Variants in ZDHHC7 observed in about 807,000 individuals in gnomAD.
ZDHHC7 encodes the protein zDHHC palmitoyltransferase 7, also known as palmitoyltransferase ZDHHC7.
ZDHHC7 carries 12 observed loss-of-function variants against 34.1 expected under a neutral mutation model. The ratio of observed to expected loss-of-function variants is 0.35; its 90% CI spans 0.23 to 0.57. The LOEUF (loss-of-function observed/expected upper bound fraction) is 0.57. Among genes scored for constraint, ZDHHC7 ranks in the 20% least tolerant of loss-of-function variants. The probability of loss-of-function intolerance (pLI) is 0.84; values close to 1 mark genes in which losing one functional copy is unlikely to be tolerated. For synonymous variants in ZDHHC7, 185 were observed against 155.4 expected (o/e 1.19, Z -1.42); for missense variants, 388 against 402.7 (o/e 0.96, Z 0.31).
At chr16:84,996,682 C>T (rs1317510563) in intron 1 of ZDHHC7, among the ~76,000 whole-genome samples, 2 of 152,104 alleles carry the variant, frequency 1.3e-5, no homozygotes, top group Non-Finnish European at 2.9e-5. Context: ...CACAGGGAAA[C>T]CCCCGCCACG....
intron 3 of ZDHHC7, among the ~76,000 whole-genome samples, chr16:84,986,656 C>T (rs571327849): frequency 9.1e-4 from 139 of 152,190 alleles, no homozygotes; most frequent in Non-Finnish European, 1.8e-3. Context: ...CAGTAGGCCT[C>T]TGACCCCATC....
At position 84,981,459 on chromosome 16, in the gene ZDHHC7, G is replaced by T. The variant is rs139728430; in HGVS notation, c.440+411C>A. Among the ~76,000 whole-genome samples the T allele has an allele frequency of 6.1e-3, 935 of 152,346 alleles. 9 individuals are homozygous for T. Among genetic ancestry groups the T allele is most frequent in the African/African-American group, 0.021 (862 of 41,578 alleles). The stretch of plus-strand genomic sequence containing the variant: ...CAACAGCCTCTCTGGCTGGCTGGAA[G>T]AACCCAGAGCAGGAGTGAGGGGAAG... On this transcript the variant is annotated intron_variant, in intron 4 of 7. Coordinates refer to ENST00000313732, the MANE Select transcript of ZDHHC7 (RefSeq NM_017740.3).
At chr16:85,012,363 G>A (rs1371336955), upstream of ZDHHC7, among the ~76,000 whole-genome samples, 3 of 134,046 alleles carry the variant, frequency 2.2e-5, no homozygotes, top group African/African-American at 6.0e-5. Context: ...CAGCCTGGGC[G>A]ACAGAGTGAA....
intron 7 of ZDHHC7, among the ~76,000 whole-genome samples, 187 bp downstream of exon 7, chr16:84,976,908 G>A (rs2072305799): frequency 6.6e-6 from 1 of 152,222 alleles, no homozygotes; most frequent in Non-Finnish European, 1.5e-5. Context: ...AAATCAAACT[G>A]AGACTAGAAA....
chr16:85,023,847 T>A, the ZDHHC7 span, among the ~76,000 whole-genome samples: 1 of 152,088 alleles, frequency 6.6e-6, no homozygotes, highest in African/African-American at 2.4e-5. Context: ...CTCAAACTCC[T>A]GAGCTCAGGT....
Position 84,981,866 on chromosome 16 carries a change from G to A in ZDHHC7, c.440+4C>T, listed in dbSNP as rs372346656. 2.9e-5 allele frequency: 46 copies of A among 1,613,820 alleles called. 1 individual carries two copies. The Middle Eastern group carries it at 6.8e-4, about 24-fold the overall frequency. ...GCTCGGGTTTAATACAGCAGCGCAC[G>A]TACCTGCAGTGGTGGGCGCGCTCGG... On this transcript the variant is annotated splice_donor_region_variant and intron_variant, in intron 4 of 7. Coordinates refer to ENST00000313732, the MANE Select transcript of ZDHHC7 (RefSeq NM_017740.3).
At chr16:84,998,817 G>C (rs1019387906) in intron 1 of ZDHHC7, among the ~76,000 whole-genome samples, 1 of 146,876 alleles carries the variant, frequency 6.8e-6, no homozygotes, top group African/African-American at 2.5e-5. Context: ...GCAGTGGCGC[G>C]ATCTCGGCTC....
At chr16:84,981,484 G>A (rs1217648647) in intron 4 of ZDHHC7, among the ~76,000 whole-genome samples, 4 of 152,236 alleles carry the variant, frequency 2.6e-5, no homozygotes, top group Non-Finnish European at 5.9e-5. Flanking sequence ...GTGAGGGGAA[G>A]GTTCTGAGCC....
intron 3 of ZDHHC7, among the ~76,000 whole-genome samples, chr16:84,985,144 C>T (rs145919415): frequency 3.2e-4 from 48 of 152,356 alleles, no homozygotes; most frequent in African/African-American, 1.1e-3. Context: ...GCTCCTCCCT[C>T]CCACCCAAAC....
chr16:85,024,046 T>A, the ZDHHC7 span, among the ~76,000 whole-genome samples: 1 of 151,998 alleles, frequency 6.6e-6, no homozygotes, highest in Admixed American at 6.6e-5. Flanking sequence ...GATTCCCAAG[T>A]AGCTGAGATT....
At chr16:85,020,461 G>A in the ZDHHC7 span, among the ~76,000 whole-genome samples, 1 of 152,178 alleles carries the variant, frequency 6.6e-6, no homozygotes, top group Non-Finnish European at 1.5e-5. Context: ...ATTATTTGCT[G>A]AGATGATACA....
the ZDHHC7 span, among the ~76,000 whole-genome samples, chr16:85,017,854 C>A: frequency 2.6e-5 from 4 of 152,154 alleles, no homozygotes; most frequent in Non-Finnish European, 5.9e-5. Context: ...ACTCAAAAGT[C>A]ACGTGTAAGG....
chr16:85,000,282 C>T (rs368561167), intron 1 of ZDHHC7, among the ~76,000 whole-genome samples: 1 of 152,160 alleles, frequency 6.6e-6, no homozygotes, highest in Non-Finnish European at 1.5e-5. Flanking sequence ...CAAGTCCCAG[C>T]GAGCAGTGGA....
At chr16:84,978,133 A>G in intron 5 of ZDHHC7, 128 bp from the exon 6 acceptor site, 1 of 610,890 alleles carries the variant, frequency 1.6e-6, no homozygotes, top group Admixed American at 3.3e-5. Flanking sequence ...CGCCTGCCAG[A>G]CTCAAGCGAT....
chr16:85,000,117 G>A (rs2072634358), intron 1 of ZDHHC7, among the ~76,000 whole-genome samples: 1 of 151,870 alleles, frequency 6.6e-6, no homozygotes, highest in South Asian at 2.1e-4. Flanking sequence ...TCCAGCCTGG[G>A]CAACAAGCAA....
intron 1 of ZDHHC7, among the ~76,000 whole-genome samples, chr16:85,009,200 C>A (rs1181104225): frequency 6.6e-6 from 1 of 151,968 alleles, no homozygotes; most frequent in Non-Finnish European, 1.5e-5. Context: ...TATTTCTACA[C>A]CCATTTTCTT....
the ZDHHC7 span, among the ~76,000 whole-genome samples, chr16:85,019,201 G>A: frequency 2.6e-5 from 4 of 152,122 alleles, no homozygotes; most frequent in East Asian, 1.9e-4. Context: ...AACGTATTTC[G>A]TTTCCCTTCC....
chr16:84,988,346 C>T (rs1160083608), intron 3 of ZDHHC7, among the ~76,000 whole-genome samples: 1 of 152,148 alleles, frequency 6.6e-6, no homozygotes, highest in African/African-American at 2.4e-5. Context: ...TGGTTGGACA[C>T]TCTGTGGATG....
Position 84,995,946 on chromosome 16 carries a change from C to G in ZDHHC7, c.-42G>C, listed in dbSNP as rs926361881. 2 of 152,216 alleles carry G rather than the reference C, an allele frequency of 1.3e-5. No individual in the cohort carries two copies. Among genetic ancestry groups the G allele is most frequent in the Non-Finnish European group, 2.9e-5 (2 of 68,038 alleles). 9.4% of individuals were successfully genotyped at this position (152,216 alleles called of 1,614,324 possible). ...CCTCACAAGTTATTTCTAAACATCA[C>G]TTGAACATTTTGTGCCGTTTCTTCA... On this transcript the variant is annotated 5_prime_UTR_variant, in exon 2 of 8. Coordinates refer to ENST00000313732, the MANE Select transcript of ZDHHC7 (RefSeq NM_017740.3).
Sources: allele counts gnomAD v4.1 joint callset (sites outside exome capture counted in the v4.1 genomes callset), GRCh38; gene constraint gnomAD v4.1.1; transcripts MANE v1.5; gene names NCBI Gene and HGNC (gene_info 2026-07-23, HGNC 2026-07-21).